The following SUCLG2 variants were observed in gnomAD, a reference collection of about 807,000 sequenced individuals.
SUCLG2 encodes succinate-CoA ligase GDP-forming subunit beta, also known as succinate--CoA ligase [GDP-forming] subunit beta, mitochondrial.
A neutral mutation model predicts 47.9 loss-of-function variants in SUCLG2; 42 were observed. The ratio of observed to expected loss-of-function variants is 0.88; its 90% CI spans 0.69 to 1.14. The LOEUF is 1.14. Ranked by LOEUF, SUCLG2 falls within the 50% of genes most tolerant of loss-of-function variation. The pLI, the probability that SUCLG2 is intolerant of heterozygous loss-of-function variation, is 0.00. For synonymous variants in SUCLG2, 195 were observed against 197.3 expected (o/e 0.99, Z 0.10); for missense variants, 571 against 525.9 (o/e 1.09, Z -0.84).
At chr3:67,413,744 C>T (rs1029752638) in intron 9 of SUCLG2, among the ~76,000 whole-genome samples, 3 of 152,202 alleles carry the variant, frequency 2.0e-5, no homozygotes, top group Non-Finnish European at 4.4e-5. Flanking sequence ...GATACACACA[C>T]AGTACCTAAG....
intron 1 of SUCLG2, among the ~76,000 whole-genome samples, chr3:67,616,164 A>G (rs1040803066): frequency 6.6e-6 from 1 of 152,146 alleles, no homozygotes; most frequent in Admixed American, 6.6e-5. Context: ...CTGGATTATA[A>G]GAGTTACAAC....
At chr3:67,381,470 G>A (rs1702156932) in intron 10 of SUCLG2, among the ~76,000 whole-genome samples, 2 of 152,176 alleles carry the variant, frequency 1.3e-5, no homozygotes, top group Non-Finnish European at 2.9e-5. Context: ...ATGGAATTAA[G>A]TGTTCTAAAG....
At chr3:67,611,238 T>C (rs1700522075) in intron 1 of SUCLG2, among the ~76,000 whole-genome samples, 1 of 152,234 alleles carries the variant, frequency 6.6e-6, no homozygotes, top group Admixed American at 6.5e-5. Context: ...CTGGTAATGA[T>C]GGTTTGGTTT....
intron 1 of SUCLG2, among the ~76,000 whole-genome samples, chr3:67,617,194 C>T (rs1700645499): frequency 6.6e-6 from 1 of 152,114 alleles, no homozygotes; most frequent in African/African-American, 2.4e-5. Flanking sequence ...AAAACAGGCT[C>T]TGATGAAGAA....
chr3:67,440,330 T>C (rs1703729067), intron 9 of SUCLG2, among the ~76,000 whole-genome samples: 1 of 152,138 alleles, frequency 6.6e-6, no homozygotes. Flanking sequence ...GGCAAAGACT[T>C]CCTGACTAAA....
At chr3:67,425,233 A>G (rs1198542180) in intron 9 of SUCLG2, among the ~76,000 whole-genome samples, 1 of 152,192 alleles carries the variant, frequency 6.6e-6, no homozygotes, top group Non-Finnish European at 1.5e-5. Flanking sequence ...TTTTAGGCAT[A>G]CAGAATAAGA....
intron 2 of SUCLG2, among the ~76,000 whole-genome samples, chr3:67,607,521 C>T (rs990485444): frequency 2.0e-5 from 3 of 151,914 alleles, no homozygotes; most frequent in African/African-American, 2.4e-5. Context: ...CAATCCAGAC[C>T]GACACCTACA....
chr3:67,399,750 A>G (rs1209748493), intron 10 of SUCLG2, among the ~76,000 whole-genome samples: 1 of 152,204 alleles, frequency 6.6e-6, no homozygotes, highest in East Asian at 1.9e-4. Context: ...ACACAGACCA[A>G]TGGGTTTTAA....
intron 9 of SUCLG2, among the ~76,000 whole-genome samples, chr3:67,473,270 C>T (rs1488722238): frequency 1.3e-5 from 2 of 152,130 alleles, no homozygotes; most frequent in Non-Finnish European, 2.9e-5. Context: ...GCCTTGACCT[C>T]CCGGACTAAG....
At chr3:67,605,608 C>T (rs1257685095) in intron 2 of SUCLG2, among the ~76,000 whole-genome samples, 1 of 152,114 alleles carries the variant, frequency 6.6e-6, no homozygotes, top group Non-Finnish European at 1.5e-5. Context: ...GGGAGGCCCT[C>T]TGTTGGCCAT....
intron 9 of SUCLG2, among the ~76,000 whole-genome samples, chr3:67,421,821 T>C (rs536985509): frequency 2.0e-5 from 3 of 152,184 alleles, no homozygotes; most frequent in Non-Finnish European, 4.4e-5. Flanking sequence ...AATTAGAATA[T>C]AAAGACTGTC....
chr3:67,447,026 A>C (rs1703945030), intron 9 of SUCLG2, among the ~76,000 whole-genome samples: 1 of 152,176 alleles, frequency 6.6e-6, no homozygotes, highest in Admixed American at 6.5e-5. Flanking sequence ...TAAAATCATC[A>C]CTAGTAATTA....
chr3:67,375,805 G>T lies in SUCLG2; in HGVS notation c.1238C>A (p.Thr413Asn). ...TGCATCCTCCAGGTCAATGGCTGAAGTAATGGGGAGTCCGCTGTTGTTGAG... is the reference window on the plus strand; with the variant it reads ...TGCATCCTCCAGGTCAATGGCTGAATTAATGGGGAGTCCGCTGTTGTTGAG... ...KILNNSGLPI[T>N]SAIDLEDAAK... The change falls in exon 11 of 11, where the codon ACT becomes AAT. Residue 413 changes from threonine to asparagine, a missense_variant. By Grantham distance (65) the Thr-to-Asn change is moderately conservative (BLOSUM62 0). Transcript: ENST00000307227. 1 of 1,614,016 alleles carries T rather than the reference G, an allele frequency of 6.2e-7. No individual in the cohort carries two copies. Among genetic ancestry groups the T allele is most frequent in the Non-Finnish European group, 8.5e-7 (1 of 1,179,930 alleles).
At chr3:67,377,542 C>T (rs1227016017) in intron 10 of SUCLG2, among the ~76,000 whole-genome samples, 2 of 152,194 alleles carry the variant, frequency 1.3e-5, no homozygotes, top group Non-Finnish European at 2.9e-5. Flanking sequence ...TGTCACATGG[C>T]CATGACAATC....
At chr3:67,543,065 G>A (rs1706760557) in intron 2 of SUCLG2, among the ~76,000 whole-genome samples, 1 of 152,062 alleles carries the variant, frequency 6.6e-6, no homozygotes, top group African/African-American at 2.4e-5. Context: ...CCACATAATT[G>A]GAAGTAAAAC....
At chr3:67,607,004 C>T (rs9849270) in intron 2 of SUCLG2, among the ~76,000 whole-genome samples, 56,990 of 152,096 alleles carry the variant, frequency 0.37, 10,944 homozygotes, top group Non-Finnish European at 0.41. Flanking sequence ...CTGCGACTTA[C>T]TCTTAAAAGA....
rs75375870 is a variant in SUCLG2, at chr3:67,529,077, C to T, written c.326+10G>A. The T allele has an allele frequency of 2.5e-6, 4 of 1,601,210 alleles. No individual in the cohort carries two copies. The highest frequency in any genetic ancestry group is 2.7e-5 in the African/African-American group (2 of 74,166). ...GCCAAAAGACAAGGAATAACAACCT[C>T]CAGACTTACTCTTTTGTTAAATGAA... On this transcript the variant is annotated intron_variant, in intron 3 of 10. Transcript: ENST00000307227.
At chr3:67,382,293 GC>G (rs1702174802) in intron 10 of SUCLG2, among the ~76,000 whole-genome samples, 1 of 152,126 alleles carries the variant, frequency 6.6e-6, no homozygotes. Context: ...TTCGGAACTG[GC>G]CCGACATCCC....
chr3:67,432,130 G>A (rs1423149902), intron 9 of SUCLG2, among the ~76,000 whole-genome samples: 1 of 152,152 alleles, frequency 6.6e-6, no homozygotes, highest in East Asian at 1.9e-4. Flanking sequence ...AACAATGGGA[G>A]GCTAGATGGG....
Sources: allele counts gnomAD v4.1 joint callset (sites outside exome capture counted in the v4.1 genomes callset), GRCh38; gene constraint gnomAD v4.1.1; transcripts MANE v1.5; gene names NCBI Gene and HGNC (gene_info 2026-07-23, HGNC 2026-07-21).